Variants in TLK2 observed in about 807,000 individuals in gnomAD.
TLK2 encodes the protein tousled like kinase 2, also known as serine/threonine-protein kinase tousled-like 2.
In TLK2, 6 loss-of-function variants were observed where a neutral mutation model predicts 117.3. The observed-to-expected ratio is 0.05, with a 90% confidence interval of 0.03 to 0.10. The LOEUF is 0.10. Ranked by LOEUF, TLK2 falls within the 10% of genes least tolerant of loss-of-function variation. The pLI, the probability that TLK2 is intolerant of heterozygous loss-of-function variation, is 1.00. For synonymous variants in TLK2, 257 were observed against 316.7 expected (o/e 0.81, Z 2.00); for missense variants, 299 against 901.2 (o/e 0.33, Z 8.56).
At chr17:62,594,750 A>C (rs1016851224) in intron 16 of TLK2, among the ~76,000 whole-genome samples, 2 of 151,872 alleles carry the variant, frequency 1.3e-5, no homozygotes, top group Non-Finnish European at 2.9e-5. Context: ...GCAAGGTGGG[A>C]GCCACCCTAG....
chr17:62,533,136 T>C (rs1328378634), intron 6 of TLK2, among the ~76,000 whole-genome samples: 1 of 151,768 alleles, frequency 6.6e-6, no homozygotes, highest in Non-Finnish European at 1.5e-5. Context: ...GTTTTTGTTT[T>C]ACTGATAGGT....
chr17:62,603,658 G>T (rs1159172168), intron 19 of TLK2, among the ~76,000 whole-genome samples: 2 of 152,126 alleles, frequency 1.3e-5, no homozygotes, highest in Non-Finnish European at 2.9e-5. Context: ...AAAGTAGTCT[G>T]TTGGGAGAAA....
chr17:62,486,662 C>T (rs1184453906), intron 2 of TLK2, among the ~76,000 whole-genome samples: 2 of 152,188 alleles, frequency 1.3e-5, no homozygotes, highest in African/African-American at 4.8e-5. Flanking sequence ...GAATTTCACC[C>T]TTGCATGCAT....
At chr17:62,514,640 G>A (rs1376240534) in intron 2 of TLK2, among the ~76,000 whole-genome samples, 2 of 149,624 alleles carry the variant, frequency 1.3e-5, no homozygotes, top group African/African-American at 4.9e-5. Context: ...GTGCAGTGGC[G>A]CGATCTTGGA....
intron 13 of TLK2, among the ~76,000 whole-genome samples, chr17:62,578,126 C>T (rs1276503325): frequency 6.6e-6 from 1 of 152,158 alleles, no homozygotes; most frequent in African/African-American, 2.4e-5. Flanking sequence ...GATAGATAAC[C>T]TGATTTTTGT....
Position 62,565,285 on chromosome 17 carries a change from C to T in TLK2, c.968+148C>T, listed in dbSNP as rs571180490. The T allele has an allele frequency of 1.1e-5, 11 of 1,028,262 alleles. No homozygotes were observed. The African/African-American group carries it at 1.1e-4, about 11-fold the overall frequency. 63.7% of individuals were successfully genotyped at this position (1,028,262 alleles called of 1,614,324 possible). A position where few individuals can be genotyped will look rare whatever the true frequency, so the allele number is the denominator to read the frequency against. On this transcript the variant is annotated intron_variant, in intron 11 of 21. Coordinates refer to ENST00000346027, the MANE Select transcript of TLK2 (RefSeq NM_006852.6). ...TCACCACATGTGGAAAGAAATGTATCGAATGAGGTGAAGTCCTGAAAAAAA... is the reference window on the plus strand; with the variant it reads ...TCACCACATGTGGAAAGAAATGTATTGAATGAGGTGAAGTCCTGAAAAAAA...
intron 10 of TLK2, among the ~76,000 whole-genome samples, chr17:62,564,715 A>C (rs193193264): frequency 6.5e-4 from 98 of 151,128 alleles, no homozygotes; most frequent in South Asian, 1.3e-3. Context: ...CTTAAAAAAA[A>C]AAACAAACAA....
At chr17:62,473,644 G>A (rs2070983037) in intron 1 of TLK2, among the ~76,000 whole-genome samples, 1 of 152,150 alleles carries the variant, frequency 6.6e-6, no homozygotes, top group Admixed American at 6.6e-5. Context: ...AAGCCCTCCA[G>A]GTGATTATGA....
chr17:62,592,165 G>T lies in TLK2; in HGVS notation c.1461-4420G>T, dbSNP rs1450505364. Among the ~76,000 whole-genome samples, 3 of 151,866 alleles carry T rather than the reference G, an allele frequency of 2.0e-5. No individual in the cohort carries two copies. The South Asian group carries it at 6.3e-4, about 32-fold the overall frequency. ...GTAGAGACAGGGTTTCTCCACGTTG[G>T]TCAGGCTGGTCTTGAACTCCCGACC... On this transcript the variant is annotated intron_variant, in intron 16 of 21. Coordinates refer to ENST00000346027, the MANE Select transcript of TLK2 (RefSeq NM_006852.6).
chr17:62,562,808 A>C (rs1209724194), intron 10 of TLK2, among the ~76,000 whole-genome samples: 1 of 152,168 alleles, frequency 6.6e-6, no homozygotes, highest in African/African-American at 2.4e-5. Context: ...CTCTCCTGGC[A>C]TTTACCCAAG....
At chr17:62,495,175 AAG>A (rs1156404921) in intron 2 of TLK2, among the ~76,000 whole-genome samples, 2 of 152,034 alleles carry the variant, frequency 1.3e-5, no homozygotes, top group African/African-American at 4.8e-5. Flanking sequence ...TCCAAAAAAA[AAG>A]GAAACGATTA....
rs374087064 is a variant in TLK2 at position 62,612,341 on chromosome 17, C to T, written c.2080-51C>T. 285 of 1,583,040 alleles carry T rather than the reference C, an allele frequency of 1.8e-4. 1 individual carries two copies. The Admixed American group carries it at 2.7e-3, about 15-fold the overall frequency. On this transcript the variant is annotated intron_variant, in intron 21 of 21. Transcript: ENST00000346027. The stretch of plus-strand genomic sequence containing the variant: ...CGATAGAGAGCCTTAGGGTTCCCTC[C>T]AGGGGTGCCAAGACTATCTGCCTCT...
intron 6 of TLK2, among the ~76,000 whole-genome samples, chr17:62,528,645 G>A (rs771618103): frequency 5.9e-5 from 9 of 152,070 alleles, no homozygotes; most frequent in Non-Finnish European, 1.2e-4. Flanking sequence ...TCTATCTCCT[G>A]ACTTCAAGTA....
At chr17:62,560,980 C>T (rs2079223843) in intron 10 of TLK2, among the ~76,000 whole-genome samples, 1 of 152,140 alleles carries the variant, frequency 6.6e-6, no homozygotes, top group Non-Finnish European at 1.5e-5. Flanking sequence ...CTCCCCACTC[C>T]CCACAACCCA....
chr17:62,600,882 A>C (rs1364684832), intron 18 of TLK2, 62 bp downstream of exon 18: 2 of 1,445,106 alleles, frequency 1.4e-6, no homozygotes, highest in Non-Finnish European at 1.9e-6. Context: ...AGTGACTTTT[A>C]ATTTGATAAA....
chr17:62,538,327 G>T (rs1350636784), intron 7 of TLK2, among the ~76,000 whole-genome samples: 2 of 152,218 alleles, frequency 1.3e-5, no homozygotes, highest in South Asian at 2.1e-4. Context: ...GAGCCACCGC[G>T]CCTGGCCTTT....
chr17:62,599,988 A>G (rs186759092), intron 17 of TLK2, among the ~76,000 whole-genome samples: 1 of 152,306 alleles, frequency 6.6e-6, no homozygotes, highest in Admixed American at 6.5e-5. Context: ...GAACCCACAT[A>G]CTTTTGTTAG....
At chr17:62,563,060 A>G (rs373626793) in intron 10 of TLK2, among the ~76,000 whole-genome samples, 1 of 152,242 alleles carries the variant, frequency 6.6e-6, no homozygotes, top group East Asian at 1.9e-4. Context: ...GTGTCTGTTA[A>G]CAAGTGAATG....
upstream of TLK2, among the ~76,000 whole-genome samples, chr17:62,474,540 G>GC (rs1402989592): frequency 6.6e-6 from 1 of 151,844 alleles, no homozygotes; most frequent in Non-Finnish European, 1.5e-5. Context: ...CTCCCAAGTA[G>GC]CCGGGACTAC....
Sources: allele counts gnomAD v4.1 joint callset (sites outside exome capture counted in the v4.1 genomes callset), GRCh38; gene constraint gnomAD v4.1.1; transcripts MANE v1.5; gene names NCBI Gene and HGNC (gene_info 2026-07-23, HGNC 2026-07-21).